The following DIAPH2 variants were observed in gnomAD, a reference collection of about 807,000 sequenced individuals.
DIAPH2 encodes the protein protein diaphanous homolog 2.
DIAPH2 carries 35 observed loss-of-function variants against 92.7 expected under a neutral mutation model. The observed-to-expected ratio is 0.38, with a 90% CI of 0.29 to 0.50. DIAPH2 has a LOEUF of 0.50. DIAPH2 is among the 20% of genes least tolerant of loss of function. The pLI is 0.94. For missense variants in DIAPH2, 701 were observed against 819.5 expected, an observed-to-expected ratio of 0.86 and a Z score of 1.77; for synonymous variants, 301 against 280.4, an observed-to-expected ratio of 1.07 and a Z score of -0.73.
rs1248146816 is a variant in DIAPH2, at chrX:96,711,172, A to G, written c.133-24586A>G. On this transcript the variant is annotated intron_variant, in intron 1 of 26. Transcript: ENST00000324765. The stretch of plus-strand genomic sequence containing the variant: ...ATGCATGTGCAAGTGTCCTTTTCAT[A>G]TAATGACTTCTTTTCCTTTGGGTAG... Among the ~76,000 whole-genome samples, 6 of 112,002 alleles carry G rather than the reference A, an allele frequency of 5.4e-5. No homozygotes were observed. In the East Asian group the frequency reaches 1.4e-3, roughly 26 times the overall value.
At position 96,806,953 on chromosome X, in the gene DIAPH2, AG is replaced by A. The variant is rs1569400303; in HGVS notation, c.447+48698del. Among the ~76,000 whole-genome samples the A allele has an allele frequency of 3.6e-5, 4 of 110,889 alleles. 1 individual carries two copies. Among genetic ancestry groups the A allele is most frequent in the Admixed American group, 2.9e-4 (3 of 10,450 alleles). On this transcript the variant is annotated intron_variant, in intron 4 of 26. Coordinates refer to ENST00000324765, the MANE Select transcript of DIAPH2 (RefSeq NM_006729.5). ...GAGACGGGGTTTCACCATGTTAGCC[AG>A]GGTGGTCTCGATCTCCTGACCTGGG... is the stretch of plus-strand genomic sequence containing the variant.
At chrX:96,719,704 G>A (rs1314207178) in intron 1 of DIAPH2, among the ~76,000 whole-genome samples, 6 of 111,125 alleles carry the variant, frequency 5.4e-5, no homozygotes, top group Non-Finnish European at 7.6e-5. Flanking sequence ...AGTATAATTC[G>A]AAGTCAGGTA....
intron 17 of DIAPH2, among the ~76,000 whole-genome samples, chrX:97,020,486 A>G (rs1569280924): frequency 1.8e-5 from 2 of 112,309 alleles, no homozygotes; most frequent in Admixed American, 9.4e-5. Context: ...TTTTTCAAAT[A>G]CGTATGTATT....
intron 5 of DIAPH2, among the ~76,000 whole-genome samples, chrX:96,892,968 C>T (rs917581051): frequency 1.5e-4 from 17 of 111,282 alleles, no homozygotes; most frequent in African/African-American, 5.5e-4. Context: ...GCCTAACTTC[C>T]CTCTTAAAAC....
At chrX:97,158,157 G>A (rs948588085) in intron 22 of DIAPH2, among the ~76,000 whole-genome samples, 22 of 111,610 alleles carry the variant, frequency 2.0e-4, no homozygotes, top group African/African-American at 6.5e-4. Context: ...TTAAAAAATG[G>A]GAAATGACTG....
intron 5 of DIAPH2, among the ~76,000 whole-genome samples, chrX:96,902,656 TTTTA>T (rs1375189946): frequency 1.8e-5 from 2 of 111,469 alleles, no homozygotes; most frequent in African/African-American, 3.3e-5. Context: ...TATATACCGT[TTTTA>T]TTTGTCAATA....
intron 4 of DIAPH2, among the ~76,000 whole-genome samples, chrX:96,853,380 G>A (rs1156831260): frequency 9.0e-6 from 1 of 111,564 alleles, no homozygotes; most frequent in Non-Finnish European, 1.9e-5. Context: ...GTACATGACA[G>A]CATTAGAAAA....
chrX:97,252,082 T>A (rs1252195685), intron 23 of DIAPH2, among the ~76,000 whole-genome samples: 1 of 112,387 alleles, frequency 8.9e-6, no homozygotes, highest in Non-Finnish European at 1.9e-5. Context: ...TTTAAATATG[T>A]GTTGTGGTCC....
At chrX:97,210,597 T>C in intron 22 of DIAPH2, among the ~76,000 whole-genome samples, 1 of 111,983 alleles carries the variant, frequency 8.9e-6, no homozygotes, top group Middle Eastern at 4.6e-3. Context: ...CATTGACTTA[T>C]GGAATTAACA....
At chrX:97,079,960 C>T (rs752324942) in intron 19 of DIAPH2, among the ~76,000 whole-genome samples, 1 of 111,385 alleles carries the variant, frequency 9.0e-6, no homozygotes, top group East Asian at 2.8e-4. Flanking sequence ...AAACAATCTA[C>T]ACTATATACC....
chrX:96,841,763 C>A (rs2064938102), intron 4 of DIAPH2, among the ~76,000 whole-genome samples: 1 of 112,182 alleles, frequency 8.9e-6, no homozygotes, highest in East Asian at 2.8e-4. Flanking sequence ...CATGCGTGTC[C>A]CTGTGAAGAG....
chrX:96,844,208 A>G (rs766287357), intron 4 of DIAPH2, among the ~76,000 whole-genome samples: 6 of 112,789 alleles, frequency 5.3e-5, no homozygotes, highest in Non-Finnish European at 9.4e-5. Flanking sequence ...ATTAACAAGC[A>G]TATTTCATAA....
At chrX:97,427,144 C>T (rs5920920) in intron 25 of DIAPH2, among the ~76,000 whole-genome samples, 2,989 of 108,487 alleles carry the variant, frequency 0.028, 35 homozygotes, top group Non-Finnish European at 0.039. Flanking sequence ...CGCCACTGCA[C>T]TCCTGCCTGT....
At chrX:97,070,800 C>T (rs1238847756) in intron 17 of DIAPH2, among the ~76,000 whole-genome samples, 1 of 111,584 alleles carries the variant, frequency 9.0e-6, no homozygotes, top group Non-Finnish European at 1.9e-5. Context: ...AGAAAGAAAA[C>T]TATGAACTAT....
chrX:96,689,126 G>GA (rs965617512), intron 1 of DIAPH2, among the ~76,000 whole-genome samples: 1 of 108,409 alleles, frequency 9.2e-6, no homozygotes, highest in African/African-American at 3.4e-5. Context: ...ATTCTAGGTT[G>GA]AAAAAACAAC....
At chrX:97,451,323 G>C (rs184699624) in intron 26 of DIAPH2, among the ~76,000 whole-genome samples, 25 of 111,421 alleles carry the variant, frequency 2.2e-4, no homozygotes, top group Admixed American at 1.3e-3. Context: ...GATCTGACAT[G>C]TATGTACATT....
chrX:97,388,777 A>G (rs1165263138), intron 25 of DIAPH2, among the ~76,000 whole-genome samples: 1 of 111,721 alleles, frequency 9.0e-6, no homozygotes, highest in African/African-American at 3.3e-5. Context: ...AAAATTATCG[A>G]TTGATTCAAT....
chrX:97,467,287 CTGT>C (rs1252468697), intron 26 of DIAPH2, among the ~76,000 whole-genome samples: 1 of 112,336 alleles, frequency 8.9e-6, no homozygotes, highest in Non-Finnish European at 1.9e-5. Context: ...AAGTAAGTCA[CTGT>C]TGTTTCTAGA....
chrX:97,327,251 AC>A (rs1200587106), intron 23 of DIAPH2, among the ~76,000 whole-genome samples: 30 of 108,776 alleles, frequency 2.8e-4, no homozygotes, highest in Non-Finnish European at 1.9e-4. Context: ...GGTGCCTGCC[AC>A]CCCGCCCGGC....
Sources: allele counts gnomAD v4.1 joint callset (sites outside exome capture counted in the v4.1 genomes callset), GRCh38; gene constraint gnomAD v4.1.1; transcripts MANE v1.5; gene names NCBI Gene and HGNC (gene_info 2026-07-23, HGNC 2026-07-21).